Variants in RPSA2 observed in about 807,000 individuals in gnomAD.
RPSA2 encodes the protein small ribosomal subunit protein uS2B.
the RPSA2 span, among the ~76,000 whole-genome samples, chr19:23,769,100 G>A: frequency 6.6e-6 from 1 of 152,148 alleles, no homozygotes; most frequent in Non-Finnish European, 1.5e-5. Context: ...CATATATCTG[G>A]GTCCATCGCT....
At chr19:23,862,316 T>C in the RPSA2 span, among the ~76,000 whole-genome samples, 2 of 151,550 alleles carry the variant, frequency 1.3e-5, no homozygotes, top group Non-Finnish European at 2.9e-5. Context: ...AATCATGTCA[T>C]CTACAAACAG....
At chr19:23,827,119 G>A in the RPSA2 span, 112 of 759,322 alleles carry the variant, frequency 1.5e-4, no homozygotes, top group Middle Eastern at 6.8e-4. Flanking sequence ...TCCATACGGC[G>A]TTGTTCTGGA....
the RPSA2 span, among the ~76,000 whole-genome samples, chr19:23,777,103 G>A: frequency 6.6e-6 from 1 of 151,856 alleles, no homozygotes; most frequent in Non-Finnish European, 1.5e-5. Flanking sequence ...CCTAGGTTAT[G>A]TTACTCTCCT....
the RPSA2 span, among the ~76,000 whole-genome samples, chr19:23,814,220 A>AAT: frequency 6.6e-6 from 1 of 151,776 alleles, no homozygotes; most frequent in East Asian, 2.0e-4. Context: ...TCAAAATAAA[A>AAT]AAAAAAAAAA....
the RPSA2 span, among the ~76,000 whole-genome samples, chr19:23,830,434 C>T: frequency 6.6e-6 from 1 of 152,202 alleles, no homozygotes; most frequent in Non-Finnish European, 1.5e-5. Context: ...CAGGAGCCAC[C>T]ATGCCTGGCC....
the RPSA2 span, among the ~76,000 whole-genome samples, chr19:23,806,076 A>C: frequency 3.5e-5 from 4 of 114,708 alleles, no homozygotes; most frequent in Admixed American, 1.1e-4. Context: ...ACGGAACCTC[A>C]CTCTGTCGTC....
the RPSA2 span, among the ~76,000 whole-genome samples, chr19:23,844,174 T>G: frequency 1.3e-5 from 2 of 152,198 alleles, no homozygotes; most frequent in Admixed American, 1.3e-4. Flanking sequence ...TAAATATATC[T>G]ATTGGTCATT....
chr19:23,853,525 T>G, the RPSA2 span, among the ~76,000 whole-genome samples: 1 of 152,184 alleles, frequency 6.6e-6, no homozygotes, highest in South Asian at 2.1e-4. Flanking sequence ...GGCATAGGAT[T>G]AGGAGGCATG....
At chr19:23,766,916 G>C in the RPSA2 span, among the ~76,000 whole-genome samples, 2 of 151,840 alleles carry the variant, frequency 1.3e-5, no homozygotes, top group Non-Finnish European at 2.9e-5. Flanking sequence ...CTGCTATCAA[G>C]GCCGGCTAAT....
chr19:23,859,234 A>C, the RPSA2 span, among the ~76,000 whole-genome samples: 350 of 152,324 alleles, frequency 2.3e-3, 1 homozygote, highest in African/African-American at 8.1e-3. Flanking sequence ...TGCTACGTAC[A>C]AACATGACAT....
the RPSA2 span, among the ~76,000 whole-genome samples, chr19:23,840,158 C>T: frequency 9.2e-4 from 140 of 152,324 alleles, 1 homozygote; most frequent in Middle Eastern, 6.8e-3. Context: ...ACATTTTCTT[C>T]TAGAAGGTCA....
chr19:23,768,148 T>G, the RPSA2 span, among the ~76,000 whole-genome samples: 2 of 151,944 alleles, frequency 1.3e-5, no homozygotes, highest in Non-Finnish European at 1.5e-5. Flanking sequence ...CTATGAAAGG[T>G]ATATTTCAGA....
chr19:23,817,463 A>C, the RPSA2 span: 1 of 152,264 alleles, frequency 6.6e-6, no homozygotes, highest in Non-Finnish European at 1.5e-5. Context: ...TAAATATTTT[A>C]CAGAGGAGCT....
the RPSA2 span, among the ~76,000 whole-genome samples, chr19:23,766,648 G>A: frequency 6.6e-6 from 1 of 151,620 alleles, no homozygotes; most frequent in Admixed American, 6.6e-5. Context: ...TAGAGACAGG[G>A]TTTCACCGTG....
the RPSA2 span, among the ~76,000 whole-genome samples, chr19:23,841,267 A>ATCC: frequency 1.2e-3 from 186 of 152,224 alleles, no homozygotes; most frequent in Non-Finnish European, 2.0e-3. Context: ...GATCGAGACC[A>ATCC]TCCTGGCTAA....
the RPSA2 span, among the ~76,000 whole-genome samples, chr19:23,820,176 C>A: frequency 6.6e-6 from 1 of 152,122 alleles, no homozygotes; most frequent in Non-Finnish European, 1.5e-5. Flanking sequence ...CCTGGTGGGC[C>A]CCTGTATTAG....
the RPSA2 span, among the ~76,000 whole-genome samples, chr19:23,853,044 G>T: frequency 3.3e-5 from 5 of 152,194 alleles, no homozygotes; most frequent in African/African-American, 9.7e-5. Context: ...TGGGGAAATT[G>T]AGCTCCAACT....
At chr19:23,779,706 GC>G in the RPSA2 span, among the ~76,000 whole-genome samples, 1 of 152,138 alleles carries the variant, frequency 6.6e-6, no homozygotes, top group Non-Finnish European at 1.5e-5. Context: ...GGAGACTTTG[GC>G]CTCGTCCTGT....
the RPSA2 span, among the ~76,000 whole-genome samples, chr19:23,766,975 CAG>C: frequency 4.1e-4 from 63 of 152,044 alleles, no homozygotes; most frequent in African/African-American, 1.4e-3. Flanking sequence ...TTTTGGGAGA[CAG>C]AGTCTTGCTC....
Sources: gnomAD v4.1 joint callset for allele counts (sites outside exome capture counted in the v4.1 genomes callset) on GRCh38, gnomAD v4.1.1 for gene constraint, MANE v1.5 for transcripts, NCBI Gene and HGNC (gene_info 2026-07-23, HGNC 2026-07-21) for gene names.